Variants in JHY observed in about 807,000 individuals in gnomAD.
JHY encodes jhy protein homolog.
Under a neutral mutation model 78.0 loss-of-function variants are expected in JHY, and 69 were observed. That is an observed-to-expected ratio of 0.88 (90% CI 0.73 to 1.08). The LOEUF is 1.08. Ranked by LOEUF, JHY falls within the 50% of genes least tolerant of loss-of-function variation. JHY has a pLI of 0.00. For synonymous variants in JHY, 368 were observed against 342.6 expected, an observed-to-expected ratio of 1.07 and a Z score of -0.82; for missense variants, 944 against 927.8, an observed-to-expected ratio of 1.02 and a Z score of -0.23.
intron 4 of JHY, among the ~76,000 whole-genome samples, chr11:122,929,975 G>A (rs776667557): frequency 1.3e-5 from 2 of 152,176 alleles, no homozygotes; most frequent in African/African-American, 2.4e-5. Context: ...GAGAAGGAAC[G>A]CTCTATGGCA....
At position 122,883,685 on chromosome 11, in the gene JHY, C is replaced by T. The variant is rs1397254259; in HGVS notation, c.-90+713C>T. On this transcript the variant is annotated intron_variant, in intron 1 of 8. Transcript: ENST00000227349. The surrounding 1 kb of genome is among the most constrained non-coding windows in gnomAD (Gnocchi z 4.4). ...AGCTGTCAGCTGTTCCTTCTTCCAC[C>T]CCATGTTTTGGTAAGATCAGGCCTC... Among the ~76,000 whole-genome samples, 1 of 152,118 alleles carries T rather than the reference C, an allele frequency of 6.6e-6. No homozygotes were observed. Among genetic ancestry groups the T allele is most frequent in the South Asian group, 2.1e-4 (1 of 4,820 alleles).
At chr11:122,892,375 T>C (rs1306186231) in intron 2 of JHY, among the ~76,000 whole-genome samples, 1 of 150,972 alleles carries the variant, frequency 6.6e-6, no homozygotes, top group Non-Finnish European at 1.5e-5. Context: ...CAGGCTAGAG[T>C]GCAGTGAGGC....
chr11:122,886,174 G>C lies in JHY; in HGVS notation c.325G>C (p.Asp109His). The change falls in exon 2 of 9, where the codon GAC becomes CAC. Residue 109 changes from aspartate (D) to histidine (H), a missense_variant. Transcript: ENST00000227349. ...MAREQNHHTW[D>H]QGANNRQQPI... ...TCGCGAGCAAAACCACCATACCTGG[G>C]ACCAGGGCGCCAATAACAGGTAAGG... is the stretch of plus-strand genomic sequence containing the variant. 3 of 1,610,956 alleles carry C rather than the reference G, an allele frequency of 1.9e-6. No individual in the cohort carries two copies. Among genetic ancestry groups the C allele is most frequent in the Non-Finnish European group, 2.5e-6 (3 of 1,178,142 alleles).
At chr11:122,944,694 G>C (rs756470910) in intron 5 of JHY, among the ~76,000 whole-genome samples, 15 of 152,048 alleles carry the variant, frequency 9.9e-5, no homozygotes, top group Non-Finnish European at 1.9e-4. Flanking sequence ...TTATTCTGAA[G>C]TAAATCCTTT....
intron 6 of JHY, chr11:122,947,258 C>T (rs572867875): frequency 5.2e-5 from 8 of 153,806 alleles, no homozygotes; most frequent in African/African-American, 1.7e-4. Flanking sequence ...TTCCCACCAT[C>T]TGCCACTATG....
Position 122,959,797 on chromosome 11 carries a change from C to T in JHY, c.*352C>T, listed in dbSNP as rs112644591. 110 of 176,308 alleles carry T rather than the reference C, an allele frequency of 6.2e-4. No homozygotes were observed. Among genetic ancestry groups the T allele is most frequent in the African/African-American group, 2.5e-3 (104 of 41,978 alleles). The allele number at this position is 176,308 out of a possible 1,614,324, so 10.9% of individuals were successfully genotyped here. A position where few individuals can be genotyped will look rare whatever the true frequency, so the allele number is the denominator to read the frequency against. ...TAAAGTTACCCAGAAATAAATGTAG[C>T]TGTGTTTCTCTCTTACCTTCCTAGT... On this transcript the variant is annotated 3_prime_UTR_variant, in exon 9 of 9. Coordinates refer to ENST00000227349, the MANE Select transcript of JHY (RefSeq NM_024806.4).
At chr11:122,884,903 C>G (rs1862461941) in intron 1 of JHY, among the ~76,000 whole-genome samples, 1 of 151,876 alleles carries the variant, frequency 6.6e-6, no homozygotes, top group South Asian at 2.1e-4. Flanking sequence ...CTCGAGTGAC[C>G]CTCCTCCCAC....
chr11:122,941,739 A>G (rs1863878068), intron 5 of JHY, among the ~76,000 whole-genome samples: 1 of 152,072 alleles, frequency 6.6e-6, no homozygotes, highest in African/African-American at 2.4e-5. Flanking sequence ...TTATTTTTTG[A>G]ATATGTAAAA....
intron 2 of JHY, among the ~76,000 whole-genome samples, chr11:122,888,823 T>C (rs1862549463): frequency 6.6e-6 from 1 of 152,222 alleles, no homozygotes; most frequent in South Asian, 2.1e-4. Context: ...TATATATGGA[T>C]GCATGATGCC....
chr11:122,907,996 C>T (rs1863031704), intron 3 of JHY, among the ~76,000 whole-genome samples: 2 of 151,910 alleles, frequency 1.3e-5, no homozygotes, highest in African/African-American at 4.8e-5. Context: ...CAGAATAGAG[C>T]AGTGGTTCTC....
chr11:122,921,887 G>A (rs1863373194), intron 3 of JHY, among the ~76,000 whole-genome samples: 1 of 152,204 alleles, frequency 6.6e-6, no homozygotes, highest in African/African-American at 2.4e-5. Flanking sequence ...GGAAGGCTGA[G>A]GCAGGAGAAC....
chr11:122,893,949 G>A (rs1361596388), intron 2 of JHY, among the ~76,000 whole-genome samples: 3 of 152,162 alleles, frequency 2.0e-5, no homozygotes, highest in African/African-American at 7.2e-5. Flanking sequence ...GAACCCAGGT[G>A]TCAAGACCAC....
chr11:122,921,142 A>G (rs1863355956), intron 3 of JHY, among the ~76,000 whole-genome samples: 1 of 152,164 alleles, frequency 6.6e-6, no homozygotes, highest in Non-Finnish European at 1.5e-5. Context: ...TGATTCAGCC[A>G]CTGTGTTCTA....
chr11:122,948,172 G>T (rs987134316), intron 6 of JHY, among the ~76,000 whole-genome samples: 1 of 152,158 alleles, frequency 6.6e-6, no homozygotes, highest in African/African-American at 2.4e-5. Flanking sequence ...GGCCGGGCGT[G>T]GTGGCTAACG....
intron 3 of JHY, chr11:122,905,100 T>C (rs1390883576): frequency 8.4e-6 from 9 of 1,077,840 alleles, no homozygotes; most frequent in South Asian, 1.3e-5. Flanking sequence ...GTAAATGATA[T>C]GATATGATTA....
chr11:122,918,116 G>C (rs1452914753), intron 3 of JHY, among the ~76,000 whole-genome samples: 1 of 151,420 alleles, frequency 6.6e-6, no homozygotes, highest in African/African-American at 2.5e-5. Flanking sequence ...GGCCAGGCTG[G>C]TCTCGAACTC....
In JHY at chr11:122,955,541, T is replaced by C. The variant is rs566760196; in HGVS notation, c.1930-955T>C. ...CTATTATTGTGCTCAGGTGCCATAA[T>C]CTAATCAGTCAGTTGTCTCACTTTC... is the stretch of plus-strand genomic sequence containing the variant. On this transcript the variant is annotated intron_variant, in intron 6 of 8. Transcript: ENST00000227349. 3.9e-5 allele frequency among the ~76,000 whole-genome samples: 6 copies of C among 152,334 alleles called. No individual in the cohort carries two copies. The South Asian group carries it at 1.2e-3, about 32-fold the overall frequency.
At chr11:122,913,788 T>C (rs1313644287) in intron 3 of JHY, among the ~76,000 whole-genome samples, 2 of 152,212 alleles carry the variant, frequency 1.3e-5, no homozygotes, top group Non-Finnish European at 1.5e-5. Context: ...TAAAGATGAC[T>C]GTCTACTCCT....
chr11:122,928,715 C>G (rs1235404811), intron 4 of JHY, among the ~76,000 whole-genome samples: 1 of 152,184 alleles, frequency 6.6e-6, no homozygotes, highest in Non-Finnish European at 1.5e-5. Flanking sequence ...GTGGCACAAT[C>G]TCGGCTCACT....
Sources: allele counts gnomAD v4.1 joint callset (sites outside exome capture counted in the v4.1 genomes callset), GRCh38; gene constraint gnomAD v4.1.1; non-coding constraint Gnocchi (gnomAD v3.1); transcripts MANE v1.5; gene names NCBI Gene and HGNC (gene_info 2026-07-23, HGNC 2026-07-21).